Variants in DPH7 observed in about 807,000 individuals in gnomAD.
DPH7 encodes diphthamide biosynthesis 7.
In DPH7, 44 loss-of-function variants were observed where a neutral mutation model predicts 41.7. That is an observed-to-expected ratio of 1.05 (90% CI 0.83 to 1.36). The LOEUF (loss-of-function observed/expected upper bound fraction) is 1.36, where lower values mean the gene tolerates loss of function less well. Ranked by LOEUF, DPH7 falls within the 40% of genes most tolerant of loss-of-function variation. The pLI, the probability that DPH7 is intolerant of heterozygous loss-of-function variation, is 0.00. For synonymous variants in DPH7, 275 were observed against 238.0 expected (o/e 1.16, Z -1.43); for missense variants, 629 against 577.5 (o/e 1.09, Z -0.91).
intron 8 of DPH7, among the ~76,000 whole-genome samples, chr9:137,559,462 T>C (rs1045538132): frequency 5.3e-4 from 81 of 152,272 alleles, no homozygotes; most frequent in Non-Finnish European, 1.1e-3. Context: ...CTCCACCTCT[T>C]GTGGAGGGCC....
At chr9:137,564,799 G>A (rs186601990) in intron 7 of DPH7, 94 bp downstream of exon 7, 3 of 1,469,812 alleles carry the variant, frequency 2.0e-6, no homozygotes, top group Non-Finnish European at 2.8e-6. Flanking sequence ...ATGGTGCCAG[G>A]AGGAAAGGCA....
chr9:137,555,483 T>G lies in DPH7; in HGVS notation c.1115A>C (p.Glu372Ala), dbSNP rs1837324327. 6.2e-7 allele frequency: 1 copy of G among 1,614,004 alleles called. No homozygotes were observed. The highest frequency in any genetic ancestry group is 1.7e-5 in the Admixed American group (1 of 60,002). The change falls in exon 9 of 9, where the codon GAG becomes GCG. Residue 372 changes from glutamate (E) to alanine (A), a missense_variant. By Grantham distance (107) the Glu-to-Ala change is moderately radical (BLOSUM62 -1). Transcript: ENST00000277540. ...GCATTCATGACAGGGTGTTGGCAACTCGCTTGCACCCTTCAGGTCTGCCGT... is the reference window on the plus strand; with the variant it reads ...GCATTCATGACAGGGTGTTGGCAACGCGCTTGCACCCTTCAGGTCTGCCGT... ...TKTADLKGASELPTPCHECRE... is the reference protein window; with the variant it reads ...TKTADLKGASALPTPCHECRE...
Position 137,554,973 on chromosome 9 carries a change from G to T in DPH7, c.*266C>A, listed in dbSNP as rs1235607977. 2 of 395,512 alleles carry T rather than the reference G, an allele frequency of 5.1e-6. No individual in the cohort carries two copies. The highest frequency in any genetic ancestry group is 4.1e-5 in the African/African-American group (2 of 48,696). The allele number at this position is 395,512 out of a possible 1,614,324, so 24.5% of individuals were successfully genotyped here. Reference sequence around the variant, plus strand: ...TATGAAAGGCTGAAAGTCAAAATCTGCCTGAGAAACTTAACAAATCTGCAA... The same window carrying T: ...TATGAAAGGCTGAAAGTCAAAATCTTCCTGAGAAACTTAACAAATCTGCAA... On this transcript the variant is annotated 3_prime_UTR_variant, in exon 9 of 9. Coordinates refer to ENST00000277540, the MANE Select transcript of DPH7 (RefSeq NM_138778.5).
intron 7 of DPH7, 82 bp from the exon 8 acceptor site, chr9:137,564,688 T>C: frequency 6.5e-7 from 1 of 1,543,812 alleles, no homozygotes; most frequent in Non-Finnish European, 8.8e-7. Flanking sequence ...GCACAGAACG[T>C]CTCCCAGAGA....
intron 8 of DPH7, among the ~76,000 whole-genome samples, chr9:137,563,645 C>T (rs568270339): frequency 1.4e-4 from 21 of 152,212 alleles, no homozygotes; most frequent in African/African-American, 4.6e-4. Flanking sequence ...GGTCACCCAC[C>T]GCTGCAGAGG....
At chr9:137,574,966 C>T in intron 3 of DPH7, 123 bp from the exon 4 acceptor site, 2 of 1,501,008 alleles carry the variant, frequency 1.3e-6, no homozygotes, top group Non-Finnish European at 1.8e-6. Context: ...TGAAGTACAT[C>T]AGTCACTGAG....
chr9:137,558,801 C>G (rs1268758999), intron 8 of DPH7, among the ~76,000 whole-genome samples: 1 of 152,118 alleles, frequency 6.6e-6, no homozygotes, highest in Non-Finnish European at 1.5e-5. Context: ...GTGGCGTGAT[C>G]TCGGCTCACT....
chr9:137,578,701 C>T lies in DPH7; in HGVS notation c.77G>A (p.Gly26Asp). The T allele has an allele frequency of 6.5e-7, 1 of 1,532,376 alleles. No homozygotes were observed. The allele number at this position is 1,532,376 out of a possible 1,614,324, so 94.9% of individuals were successfully genotyped here. The change falls in exon 1 of 9, where the codon GGC (glycine) becomes GAC (aspartate). Residue 26 changes from glycine to aspartate, a missense_variant. By Grantham distance (94) the Gly-to-Asp change is moderately conservative (BLOSUM62 -1). Transcript: ENST00000277540. ...CCCGCACGCCAGCAGGTGCCTGCAGCCTTGCAGCGGGCACCACTCCACCGA... is the reference window on the plus strand; with the variant it reads ...CCCGCACGCCAGCAGGTGCCTGCAGTCTTGCAGCGGGCACCACTCCACCGA... ...ADSVEWCPLQ[G>D]CRHLLACGTY...
intron 8 of DPH7, among the ~76,000 whole-genome samples, chr9:137,558,732 CTTCTT>C (rs1264722523): frequency 2.0e-5 from 3 of 152,092 alleles, no homozygotes; most frequent in African/African-American, 7.2e-5. Flanking sequence ...TTTTGAATGT[CTTCTT>C]TTATTTTTTA....
In DPH7 at chr9:137,578,758, A is replaced by G; in HGVS notation, c.20T>C (p.Leu7Pro). ...GGTCAGCTCGGTGTCCACCGTTTGC[A>G]GGGCGAAACAGCCCATCATCCAGCC... MMGCFA[L>P]QTVDTELTAD... The change falls in exon 1 of 9, where the codon CTG becomes CCG. Residue 7 changes from leucine to proline, a missense_variant. Coordinates refer to ENST00000277540, the MANE Select transcript of DPH7 (RefSeq NM_138778.5). 6.6e-7 allele frequency: 1 copy of G among 1,513,538 alleles called. No individual in the cohort carries two copies. The highest frequency in any genetic ancestry group is 8.8e-7 in the Non-Finnish European group (1 of 1,132,666). The allele number at this position is 1,513,538 out of a possible 1,614,324, so 93.8% of individuals were successfully genotyped here.
rs1261704134 is a variant in DPH7, at chr9:137,575,996, A to G, written c.375+84T>C. On this transcript the variant is annotated intron_variant, in intron 3 of 8. Transcript: ENST00000277540. ...CCATTGAAGAGAGATCGTTTTAGAAAAATGTCTGTATCAGCACAGCCTCCT... is the reference window on the plus strand; with the variant it reads ...CCATTGAAGAGAGATCGTTTTAGAAGAATGTCTGTATCAGCACAGCCTCCT... 9.4e-6 allele frequency: 15 copies of G among 1,592,034 alleles called. No homozygotes were observed. In the East Asian group the frequency reaches 1.8e-4, roughly 19 times the overall value.
intron 3 of DPH7, 101 bp downstream of exon 3, chr9:137,575,979 G>C: frequency 6.3e-7 from 1 of 1,580,768 alleles, no homozygotes; most frequent in Admixed American, 1.7e-5. Context: ...CACCATTGAA[G>C]AGAGATCGTT....
chr9:137,577,475 C>T lies in DPH7; in HGVS notation c.282G>A (p.Met94Ile), dbSNP rs749724708. 1.2e-6 allele frequency: 2 copies of T among 1,613,828 alleles called. No homozygotes were observed. The highest frequency in any genetic ancestry group is 1.3e-5 in the African/African-American group (1 of 74,936). ...QRKDTSAILD[M>I]KWCHIPVAGH... ...TGGGATTATCACAGTTATACCATTT[C>T]ATGTCCAGGATTGCAGAAGTATCTT... Residue 94 changes from methionine (M) to isoleucine (I), a missense_variant, in exon 2 of 9, where the codon ATG (methionine) becomes ATA (isoleucine). Transcript: ENST00000277540.
At chr9:137,557,585 G>A (rs1227096797) in intron 8 of DPH7, among the ~76,000 whole-genome samples, 1 of 151,968 alleles carries the variant, frequency 6.6e-6, no homozygotes, top group African/African-American at 2.4e-5. Flanking sequence ...TTGGGAGGCC[G>A]AGGCAGGTGG....
At chr9:137,562,918 G>A (rs1838869324) in intron 8 of DPH7, among the ~76,000 whole-genome samples, 1 of 151,776 alleles carries the variant, frequency 6.6e-6, no homozygotes. Flanking sequence ...AGTGAGACGA[G>A]ATCACACCAC....
intron 1 of DPH7, chr9:137,577,990 C>T: frequency 5.1e-6 from 5 of 985,332 alleles, no homozygotes; most frequent in Non-Finnish European, 6.0e-6. Flanking sequence ...TTCCCTTGGG[C>T]CACACCTGTA....
At position 137,578,881 on chromosome 9, in the gene DPH7, A is replaced by G. The variant is rs2133267837; in HGVS notation, c.-104T>C. 1 of 1,232,124 alleles carries G rather than the reference A, an allele frequency of 8.1e-7. No homozygotes were observed. Among genetic ancestry groups the G allele is most frequent in the Non-Finnish European group, 1.0e-6 (1 of 958,516 alleles). The allele number at this position is 1,232,124 out of a possible 1,614,324, so 76.3% of individuals were successfully genotyped here. On this transcript the variant is annotated 5_prime_UTR_variant, in exon 1 of 9. Coordinates refer to ENST00000277540, the MANE Select transcript of DPH7 (RefSeq NM_138778.5). The stretch of plus-strand genomic sequence containing the variant: ...AGGCCGGGGCCGGCCGGACGAGCGC[A>G]GAGCCCCAGGGACACCGTCAGCGCG...
chr9:137,568,842 G>A (rs1343307474), intron 5 of DPH7, among the ~76,000 whole-genome samples: 3 of 152,130 alleles, frequency 2.0e-5, no homozygotes, highest in Non-Finnish European at 4.4e-5. Flanking sequence ...CTAGGTCCTA[G>A]GGGCTAAACT....
intron 3 of DPH7, 26 bp from the exon 4 acceptor site, chr9:137,574,869 A>G (rs750254925): frequency 1.9e-6 from 3 of 1,612,384 alleles, no homozygotes; most frequent in Non-Finnish European, 2.5e-6. Flanking sequence ...AAACTCCATC[A>G]AAGGGAAGTA....
Sources: allele counts gnomAD v4.1 joint callset (sites outside exome capture counted in the v4.1 genomes callset), GRCh38; gene constraint gnomAD v4.1.1; transcripts MANE v1.5; gene names NCBI Gene and HGNC (gene_info 2026-07-23, HGNC 2026-07-21).